Variants in ST7 observed in about 807,000 individuals in gnomAD.
ST7 encodes the protein suppression of tumorigenicity 7.
Under a neutral mutation model 78.7 loss-of-function variants are expected in ST7, and 28 were observed. That is an observed-to-expected ratio of 0.36 (90% CI 0.26 to 0.49). ST7 has a LOEUF of 0.49. Among genes scored for constraint, ST7 ranks in the 20% least tolerant of loss-of-function variants. ST7 has a pLI of 0.99. For synonymous variants in ST7, 247 were observed against 249.6 expected (o/e 0.99, Z 0.10); for missense variants, 418 against 696.0 (o/e 0.60, Z 4.49).
chr7:117,203,543 T>G (rs887714085), intron 12 of ST7, among the ~76,000 whole-genome samples: 1 of 152,094 alleles, frequency 6.6e-6, no homozygotes, highest in East Asian at 1.9e-4. Flanking sequence ...TGGTTTGGAA[T>G]CCCCCCTCCT....
chr7:117,123,671 A>G (rs1203619539), intron 3 of ST7, among the ~76,000 whole-genome samples: 1 of 152,176 alleles, frequency 6.6e-6, no homozygotes, highest in African/African-American at 2.4e-5. Context: ...AATTCAGCTT[A>G]GTTTATGAGC....
At chr7:117,070,875 C>T (rs1437603347) in intron 1 of ST7, among the ~76,000 whole-genome samples, 1 of 151,872 alleles carries the variant, frequency 6.6e-6, no homozygotes, top group Non-Finnish European at 1.5e-5. Context: ...GTAAATTGTA[C>T]ACTTAGAAAT....
At chr7:117,048,030 A>G (rs1257992275) in intron 1 of ST7, among the ~76,000 whole-genome samples, 4 of 152,226 alleles carry the variant, frequency 2.6e-5, no homozygotes, top group Non-Finnish European at 4.4e-5. Flanking sequence ...CATATTTTGT[A>G]TAAGTATTAT....
At chr7:117,171,084 C>A (rs1326480296) in intron 10 of ST7, 108 bp downstream of exon 10, 2 of 561,252 alleles carry the variant, frequency 3.6e-6, no homozygotes, top group Non-Finnish European at 5.9e-6. Context: ...TGTAGCCATA[C>A]TCTTATAGAA....
chr7:117,099,067 A>AC (rs1491543492), intron 1 of ST7, among the ~76,000 whole-genome samples: 5 of 85,936 alleles, frequency 5.8e-5, no homozygotes, highest in African/African-American at 1.9e-4. Context: ...AAAAAAAAAC[A>AC]AAAAAAAAAG....
At chr7:117,157,034 T>C (rs1437900050) in intron 9 of ST7, among the ~76,000 whole-genome samples, 1 of 152,132 alleles carries the variant, frequency 6.6e-6, no homozygotes. Flanking sequence ...ACTGAAATTA[T>C]CTTTGTGGAG....
At chr7:116,966,236 C>A (rs986329546) in intron 1 of ST7, 1 of 192,852 alleles carries the variant, frequency 5.2e-6, no homozygotes, top group Admixed American at 6.2e-5. Flanking sequence ...TTGCTTTTTT[C>A]TTTTTTCTTT....
At chr7:117,208,146 T>C (rs2116005220) in intron 12 of ST7, among the ~76,000 whole-genome samples, 1 of 152,270 alleles carries the variant, frequency 6.6e-6, no homozygotes, top group East Asian at 1.9e-4. Flanking sequence ...GCTGTGTAAT[T>C]CTCTATTCTT....
chr7:117,017,091 G>A (rs893399112), intron 1 of ST7, among the ~76,000 whole-genome samples: 6 of 152,172 alleles, frequency 3.9e-5, no homozygotes, highest in Non-Finnish European at 8.8e-5. Context: ...GGCTAACCAT[G>A]TGGTTTTTTC....
At chr7:117,185,776 A>T (rs1809199534) in intron 10 of ST7, among the ~76,000 whole-genome samples, 1 of 152,070 alleles carries the variant, frequency 6.6e-6, no homozygotes, top group Non-Finnish European at 1.5e-5. Flanking sequence ...TACAAAAATT[A>T]GCTGGGCATG....
At chr7:116,974,583 G>A (rs1428319594) in intron 1 of ST7, among the ~76,000 whole-genome samples, 2 of 152,162 alleles carry the variant, frequency 1.3e-5, no homozygotes, top group African/African-American at 4.8e-5. Context: ...GAGCCACTGC[G>A]CCGGGCCTTT....
chr7:117,204,667 T>C (rs1306593864), intron 12 of ST7, among the ~76,000 whole-genome samples: 1 of 152,224 alleles, frequency 6.6e-6, no homozygotes, highest in Non-Finnish European at 1.5e-5. Flanking sequence ...CAAATAGCAC[T>C]AGCTTTATTC....
intron 12 of ST7, among the ~76,000 whole-genome samples, chr7:117,197,170 G>A (rs186810167): frequency 3.4e-4 from 51 of 152,202 alleles, no homozygotes; most frequent in Non-Finnish European, 6.9e-4. Context: ...GAGTAGCTGG[G>A]ACTATAGGTA....
At chr7:116,969,936 G>A (rs1303320248) in intron 1 of ST7, among the ~76,000 whole-genome samples, 2 of 152,202 alleles carry the variant, frequency 1.3e-5, no homozygotes, top group East Asian at 1.9e-4. Flanking sequence ...TTAGCTGGGC[G>A]TGGTGGTGCA....
chr7:117,058,644 T>C (rs968382764), intron 1 of ST7, among the ~76,000 whole-genome samples: 2 of 152,182 alleles, frequency 1.3e-5, no homozygotes, highest in African/African-American at 4.8e-5. Context: ...AGTCACAATG[T>C]AGAAAAATTT....
At chr7:117,136,361 GT>G in intron 8 of ST7, 126 bp downstream of exon 8, 1 of 1,188,142 alleles carries the variant, frequency 8.4e-7, no homozygotes, top group Non-Finnish European at 1.2e-6. Flanking sequence ...CTTTTGCTTT[GT>G]TTTTATTAAT....
chr7:117,071,218 G>A (rs895954152), intron 1 of ST7, among the ~76,000 whole-genome samples: 25 of 152,018 alleles, frequency 1.6e-4, no homozygotes, highest in Admixed American at 6.5e-4. Context: ...GCGAGACTCC[G>A]TCTCAAAACA....
At chr7:117,187,841 G>GTTTTT (rs1809408903) in intron 10 of ST7, 1 of 152,138 alleles carries the variant, frequency 6.6e-6, no homozygotes, top group African/African-American at 2.4e-5. Context: ...CAATCAATGA[G>GTTTTT]TATACCCTAG....
intron 12 of ST7, among the ~76,000 whole-genome samples, chr7:117,206,050 G>T (rs530566889): frequency 5.8e-4 from 89 of 152,344 alleles, no homozygotes; most frequent in Non-Finnish European, 1.2e-3. Flanking sequence ...CACATGTTGA[G>T]AACTGATCTT....
Sources: allele counts gnomAD v4.1 joint callset (sites outside exome capture counted in the v4.1 genomes callset), GRCh38; gene constraint gnomAD v4.1.1; transcripts MANE v1.5; gene names NCBI Gene and HGNC (gene_info 2026-07-23, HGNC 2026-07-21).